The following ZBTB7C variants were observed in gnomAD, a reference collection of about 807,000 sequenced individuals.
ZBTB7C encodes zinc finger and BTB domain-containing protein 7C.
A neutral mutation model predicts 25.7 loss-of-function variants in ZBTB7C; 8 were observed. The ratio of observed to expected loss-of-function variants is 0.31; its 90% CI spans 0.18 to 0.56. The LOEUF (loss-of-function observed/expected upper bound fraction) is 0.56, where lower values mean the gene tolerates loss of function less well. Among genes scored for constraint, ZBTB7C ranks in the 20% least tolerant of loss-of-function variants. ZBTB7C has a pLI of 0.91. For missense variants in ZBTB7C, 824 were observed against 855.2 expected, an observed-to-expected ratio of 0.96 and a Z score of 0.46; for synonymous variants, 394 against 369.0, an observed-to-expected ratio of 1.07 and a Z score of -0.78.
chr18:48,101,049 C>G (rs191082276), intron 3 of ZBTB7C, among the ~76,000 whole-genome samples: 70 of 152,274 alleles, frequency 4.6e-4, no homozygotes, highest in Non-Finnish European at 8.5e-4. Flanking sequence ...TGTCCTCAGC[C>G]CTCTCTGACT....
At chr18:48,082,434 G>A (rs191082556) in intron 3 of ZBTB7C, among the ~76,000 whole-genome samples, 29 of 152,214 alleles carry the variant, frequency 1.9e-4, no homozygotes, top group Admixed American at 5.2e-4. Context: ...AAGATGAGAC[G>A]GAGCTGTCAC....
At chr18:48,357,928 C>T (rs557099041) in intron 1 of ZBTB7C, among the ~76,000 whole-genome samples, 23 of 152,148 alleles carry the variant, frequency 1.5e-4, no homozygotes, top group Non-Finnish European at 2.8e-4. Flanking sequence ...TAATCCCCAG[C>T]GTTGGAGGTG....
chr18:48,395,265 ATGTGTGTGTGTG>A (rs59232482), intron 1 of ZBTB7C, among the ~76,000 whole-genome samples: 4,543 of 103,536 alleles, frequency 0.044, 358 homozygotes, highest in African/African-American at 0.16. Context: ...GAGAGAGAGA[ATGTGTGTGTGTG>A]TGTGTGTGTG....
intron 2 of ZBTB7C, among the ~76,000 whole-genome samples, chr18:48,215,685 G>A (rs2145267485): frequency 6.6e-6 from 1 of 152,218 alleles, no homozygotes; most frequent in African/African-American, 2.4e-5. Context: ...GGCAATAGAT[G>A]GCAAGTGTTT....
chr18:48,288,377 C>A (rs919681428), intron 2 of ZBTB7C, among the ~76,000 whole-genome samples: 1 of 151,966 alleles, frequency 6.6e-6, no homozygotes, highest in East Asian at 1.9e-4. Flanking sequence ...GGCTGGGCAC[C>A]GTGGCTCACG....
chr18:48,185,289 G>A lies in ZBTB7C; in HGVS notation c.-17+645C>T, dbSNP rs776998443. ...ACCATTTCCCATCCCCAGCATTTCT[G>A]CCCGGGCCATGCCAGCCAGAGCTGG... On this transcript the variant is annotated intron_variant, in intron 3 of 4. Transcript: ENST00000590800. 2.0e-5 allele frequency: 9 copies of A among 441,868 alleles called. No individual in the cohort carries two copies. In the Admixed American group the frequency reaches 2.3e-4, roughly 11 times the overall value. 27.4% of individuals were successfully genotyped at this position (441,868 alleles called of 1,614,324 possible).
chr18:48,032,176 T>C (rs4940197), intron 4 of ZBTB7C, among the ~76,000 whole-genome samples: 85,315 of 151,810 alleles, frequency 0.56, 25,038 homozygotes, highest in African/African-American at 0.72. Context: ...TACAGTGGCA[T>C]GATCTCGGCT....
rs1367508464 is a variant in ZBTB7C at position 48,031,713 on chromosome 18, G to A, written c.1209-1802C>T. On this transcript the variant is annotated intron_variant, in intron 4 of 4. Coordinates refer to ENST00000590800, the MANE Select transcript of ZBTB7C (RefSeq NM_001318841.2). ...TAACCAGTTGCCACATGCTGGTGGT[G>A]GTGGTGGTCCGTGGACCCCACACTG... is the stretch of plus-strand genomic sequence containing the variant. Among the ~76,000 whole-genome samples, 3 of 152,228 alleles carry A rather than the reference G, an allele frequency of 2.0e-5. No homozygotes were observed. The East Asian group carries it at 5.8e-4, about 29-fold the overall frequency.
intron 3 of ZBTB7C, among the ~76,000 whole-genome samples, chr18:48,116,180 G>A (rs572161086): frequency 1.1e-4 from 16 of 152,152 alleles, no homozygotes; most frequent in African/African-American, 3.9e-4. Flanking sequence ...CTATGTCCCT[G>A]CCAGTGGGAG....
chr18:48,110,396 T>C lies in ZBTB7C; in HGVS notation c.-16-69273A>G, dbSNP rs544881634. Among the ~76,000 whole-genome samples the C allele has an allele frequency of 9.8e-5, 15 of 152,302 alleles. No individual in the cohort carries two copies. In the South Asian group the frequency reaches 1.0e-3, roughly 11 times the overall value. On this transcript the variant is annotated intron_variant, in intron 3 of 4. Transcript: ENST00000590800. ...CCTGGGCACCTCTTAGCCAGCCTGCTCTGCATTCTTAAGAGGCATGATCTT... is the reference window on the plus strand; with the variant it reads ...CCTGGGCACCTCTTAGCCAGCCTGCCCTGCATTCTTAAGAGGCATGATCTT...
Position 48,371,412 on chromosome 18 carries a change from A to C in ZBTB7C, c.-303-33014T>G, listed in dbSNP as rs191959784. Among the ~76,000 whole-genome samples, 160 of 152,306 alleles carry C rather than the reference A, an allele frequency of 1.1e-3. 1 individual carries two copies. The highest frequency in any genetic ancestry group is 4.8e-3 in the Admixed American group (74 of 15,294). ...TAAAATGCCTATGCCCACCCAACTT[A>C]CAGAAAGGGAAATTGAGGCCCAGGG... is the stretch of plus-strand genomic sequence containing the variant. On this transcript the variant is annotated intron_variant, in intron 1 of 4. Coordinates refer to ENST00000590800, the MANE Select transcript of ZBTB7C (RefSeq NM_001318841.2).
intron 1 of ZBTB7C, among the ~76,000 whole-genome samples, chr18:48,339,703 C>A (rs1279489172): frequency 6.6e-6 from 1 of 152,000 alleles, no homozygotes; most frequent in African/African-American, 2.4e-5. Flanking sequence ...GCCTGTTTGC[C>A]CTGCTATGGG....
chr18:48,041,084 G>A lies in ZBTB7C; in HGVS notation c.24C>T (p.Leu8=). The change falls in exon 4 of 5, where the codon CTC becomes CTT. Residue 8 remains leucine (L), a synonymous_variant. Coordinates refer to ENST00000590800, the MANE Select transcript of ZBTB7C (RefSeq NM_001318841.2). ...TGTGGTTGGGGAAGGGAATGCCAAT[G>A]AGCTCATCAATGTCATTGGCCATGT... MANDIDE[L]IGIPFPNHSS... is the part of the protein sequence containing the mutation. 1 of 1,605,604 alleles carries A rather than the reference G, an allele frequency of 6.2e-7. No homozygotes were observed. Among genetic ancestry groups the A allele is most frequent in the South Asian group, 1.1e-5 (1 of 90,690 alleles).
intron 1 of ZBTB7C, among the ~76,000 whole-genome samples, chr18:48,351,209 G>A (rs543997475): frequency 2.2e-4 from 34 of 152,080 alleles, no homozygotes; most frequent in South Asian, 1.5e-3. Context: ...GAGAAGCCAC[G>A]GCTCACACCT....
chr18:48,172,501 G>C (rs552405443), intron 3 of ZBTB7C, among the ~76,000 whole-genome samples: 1 of 152,324 alleles, frequency 6.6e-6, no homozygotes, highest in South Asian at 2.1e-4. Context: ...GGGAGATTCG[G>C]GTGACCTCCT....
intron 2 of ZBTB7C, among the ~76,000 whole-genome samples, chr18:48,269,491 T>C (rs1288678652): frequency 6.6e-6 from 1 of 152,174 alleles, no homozygotes; most frequent in African/African-American, 2.4e-5. Flanking sequence ...ATAGCACATA[T>C]AATCAGGCAC....
intron 2 of ZBTB7C, among the ~76,000 whole-genome samples, chr18:48,337,487 A>G (rs1279334998): frequency 6.6e-6 from 1 of 152,040 alleles, no homozygotes; most frequent in African/African-American, 2.4e-5. Flanking sequence ...GGCCCTAGAG[A>G]CTTGCTTGAT....
At chr18:48,258,488 C>T (rs2058495799) in intron 2 of ZBTB7C, among the ~76,000 whole-genome samples, 1 of 152,090 alleles carries the variant, frequency 6.6e-6, no homozygotes, top group South Asian at 2.1e-4. Context: ...ATATAAAATG[C>T]TCAGTAATAA....
intron 1 of ZBTB7C, among the ~76,000 whole-genome samples, chr18:48,360,052 C>T (rs1334292809): frequency 1.3e-5 from 2 of 152,202 alleles, no homozygotes; most frequent in African/African-American, 4.8e-5. Context: ...GGAGGAAGCT[C>T]CCTGCTGTCT....
Sources: allele counts gnomAD v4.1 joint callset (sites outside exome capture counted in the v4.1 genomes callset), GRCh38; gene constraint gnomAD v4.1.1; transcripts MANE v1.5; gene names NCBI Gene and HGNC (gene_info 2026-07-23, HGNC 2026-07-21).